Variants in ZBTB20 observed in about 807,000 individuals in gnomAD.
The protein encoded by ZBTB20 is zinc finger and BTB domain-containing protein 20.
Under a neutral mutation model 56.9 loss-of-function variants are expected in ZBTB20, and 9 were observed. That is an observed-to-expected ratio of 0.16 (90% CI 0.10 to 0.28). The LOEUF is 0.28. ZBTB20 is among the 10% of genes least tolerant of loss of function. ZBTB20 has a pLI of 1.00. For synonymous variants in ZBTB20, 417 were observed against 420.7 expected (o/e 0.99, Z 0.11); for missense variants, 655 against 1,003.0 (o/e 0.65, Z 4.69).
At chr3:114,847,810 G>A (rs1168669984) in intron 4 of ZBTB20, among the ~76,000 whole-genome samples, 1 of 152,060 alleles carries the variant, frequency 6.6e-6, no homozygotes, top group African/African-American at 2.4e-5. Context: ...CTTAGTCCAG[G>A]GTTCTTTGCA....
In ZBTB20 at chr3:114,319,482, C is replaced by T. The variant is rs939121151; in HGVS notation, c.*19523G>A. 6.6e-6 allele frequency: 1 copy of T among 152,164 alleles called. No individual in the cohort carries two copies. The highest frequency in any genetic ancestry group is 6.6e-5 in the Admixed American group (1 of 15,264). 9.4% of individuals were successfully genotyped at this position (152,164 alleles called of 1,614,324 possible). Reference sequence around the variant, plus strand: ...CAAAACAAAACCAGAAAAAAACCAGCAAACATTAAACAAATGATAGAGTCA... The same window carrying T: ...CAAAACAAAACCAGAAAAAAACCAGTAAACATTAAACAAATGATAGAGTCA... On this transcript the variant is annotated 3_prime_UTR_variant, in exon 12 of 12. Transcript: ENST00000675478.
At chr3:114,404,375 CT>C (rs2087101751) in intron 7 of ZBTB20, among the ~76,000 whole-genome samples, 1 of 151,956 alleles carries the variant, frequency 6.6e-6, no homozygotes, top group African/African-American at 2.4e-5. Context: ...TATGAAGTCC[CT>C]GGTAAGCATA....
At position 114,843,072 on chromosome 3, in the gene ZBTB20, T is replaced by C. The variant is rs566036583; in HGVS notation, c.-416-41898A>G. On this transcript the variant is annotated intron_variant, in intron 4 of 11. Coordinates refer to ENST00000675478, the MANE Select transcript of ZBTB20 (RefSeq NM_001348800.3). ...CTCTTTTTCTGTCCTTCTGCCGCCATGTAAGACGTGCCTTGCTTCCCCTTC... is the reference window on the plus strand; with the variant it reads ...CTCTTTTTCTGTCCTTCTGCCGCCACGTAAGACGTGCCTTGCTTCCCCTTC... 1.3e-4 allele frequency among the ~76,000 whole-genome samples: 20 copies of C among 152,302 alleles called. No individual in the cohort carries two copies. The South Asian group carries it at 3.1e-3, about 24-fold the overall frequency.
chr3:114,984,581 A>T (rs959833919), intron 2 of ZBTB20, among the ~76,000 whole-genome samples: 1 of 151,968 alleles, frequency 6.6e-6, no homozygotes, highest in African/African-American at 2.4e-5. Flanking sequence ...AATTTCTCCC[A>T]AACTTTCACT....
chr3:114,847,424 A>G (rs2074766903), intron 4 of ZBTB20, among the ~76,000 whole-genome samples: 1 of 152,066 alleles, frequency 6.6e-6, no homozygotes, highest in East Asian at 1.9e-4. Flanking sequence ...AACACGGCCT[A>G]TTTATCCTGG....
chr3:114,362,068 A>G (rs572726236), intron 10 of ZBTB20, among the ~76,000 whole-genome samples: 3 of 152,278 alleles, frequency 2.0e-5, no homozygotes, highest in Admixed American at 2.0e-4. Context: ...AGGGAGCCCC[A>G]AAACTTGTCT....
At chr3:114,605,533 G>A (rs1053595786) in intron 6 of ZBTB20, among the ~76,000 whole-genome samples, 2 of 152,110 alleles carry the variant, frequency 1.3e-5, no homozygotes, top group Admixed American at 6.6e-5. Flanking sequence ...TGTGTATTTC[G>A]CTAACATTAG....
chr3:114,435,042 G>T (rs1384884083), intron 7 of ZBTB20, among the ~76,000 whole-genome samples: 5 of 152,128 alleles, frequency 3.3e-5, no homozygotes, highest in Admixed American at 1.3e-4. Flanking sequence ...TGTAGTCCAT[G>T]TATCCTATTG....
At chr3:114,679,985 G>A (rs1378040281) in intron 6 of ZBTB20, among the ~76,000 whole-genome samples, 1 of 152,128 alleles carries the variant, frequency 6.6e-6, no homozygotes, top group African/African-American at 2.4e-5. Flanking sequence ...GTCCCTTGCA[G>A]GGACATGGAT....
At chr3:114,993,109 T>C (rs1003663314) in intron 2 of ZBTB20, among the ~76,000 whole-genome samples, 3 of 151,990 alleles carry the variant, frequency 2.0e-5, no homozygotes, top group Non-Finnish European at 4.4e-5. Context: ...AGATAATATT[T>C]TAGACCCTGA....
At chr3:114,649,568 T>C (rs2060021479) in intron 6 of ZBTB20, among the ~76,000 whole-genome samples, 1 of 151,982 alleles carries the variant, frequency 6.6e-6, no homozygotes, top group South Asian at 2.1e-4. Flanking sequence ...GGGGGTCATA[T>C]AGGTGAATAA....
intron 7 of ZBTB20, among the ~76,000 whole-genome samples, chr3:114,423,575 A>T (rs2089378841): frequency 6.6e-6 from 1 of 152,210 alleles, no homozygotes; most frequent in African/African-American, 2.4e-5. Flanking sequence ...TAGTAAGATG[A>T]TGTGTTAATA....
chr3:115,076,541 A>T (rs1377548867), intron 1 of ZBTB20, among the ~76,000 whole-genome samples: 1 of 152,144 alleles, frequency 6.6e-6, no homozygotes, highest in Non-Finnish European at 1.5e-5. Flanking sequence ...ACACAAAAAT[A>T]AACTCAACAT....
intron 3 of ZBTB20, among the ~76,000 whole-genome samples, chr3:114,919,304 T>A (rs2075864405): frequency 6.6e-6 from 1 of 151,970 alleles, no homozygotes; most frequent in Non-Finnish European, 1.5e-5. Context: ...TGCCTCAAGG[T>A]GACCACAGGA....
At chr3:114,822,852 C>T (rs918107518) in intron 4 of ZBTB20, among the ~76,000 whole-genome samples, 3 of 151,870 alleles carry the variant, frequency 2.0e-5, no homozygotes, top group Non-Finnish European at 4.4e-5. Context: ...CCTTTTAATA[C>T]CATGGGAAAA....
At chr3:114,665,812 A>C (rs17681249) in intron 6 of ZBTB20, among the ~76,000 whole-genome samples, 9,823 of 152,148 alleles carry the variant, frequency 0.065, 473 homozygotes, top group Non-Finnish European at 0.1. Flanking sequence ...ATGTTACTTA[A>C]CAGACATCAC....
chr3:115,010,662 T>C (rs775041098), intron 2 of ZBTB20, among the ~76,000 whole-genome samples: 3 of 151,914 alleles, frequency 2.0e-5, no homozygotes, highest in Non-Finnish European at 4.4e-5. Context: ...CTGGAACATC[T>C]TTCCAAGAAG....
intron 2 of ZBTB20, among the ~76,000 whole-genome samples, chr3:115,032,420 CA>C (rs1221268814): frequency 6.6e-6 from 1 of 151,194 alleles, no homozygotes; most frequent in Admixed American, 6.6e-5. Context: ...ACAGTCACTA[CA>C]AGAACAAATT....
rs190314916 is a variant in ZBTB20 at position 114,348,358 on chromosome 3, C to T, written c.1804+1916G>A. Among the ~76,000 whole-genome samples the T allele has an allele frequency of 1.5e-3, 234 of 152,270 alleles. 2 individuals carry two copies. The highest frequency in any genetic ancestry group is 6.6e-4 in the Non-Finnish European group (45 of 68,010). On this transcript the variant is annotated intron_variant, in intron 11 of 11. Transcript: ENST00000675478. The stretch of plus-strand genomic sequence containing the variant: ...GGAGGAAAGGATATAAACTATGTGA[C>T]AGCACTCTATAAATCATAAGATGCT...
Sources: gnomAD v4.1 joint callset for allele counts (sites outside exome capture counted in the v4.1 genomes callset) on GRCh38, gnomAD v4.1.1 for gene constraint, MANE v1.5 for transcripts, NCBI Gene and HGNC (gene_info 2026-07-23, HGNC 2026-07-21) for gene names.